The following OCA2 variants were observed in gnomAD, a reference collection of about 807,000 sequenced individuals.
OCA2 encodes the protein OCA2 melanosomal transmembrane protein.
Under a neutral mutation model 100.2 loss-of-function variants are expected in OCA2, and 77 were observed. The observed-to-expected ratio is 0.77, with a 90% confidence interval of 0.64 to 0.93. The LOEUF is 0.93. OCA2 is among the 40% of genes least tolerant of loss of function. The pLI, the probability that OCA2 is intolerant of heterozygous loss-of-function variation, is 0.00. For missense variants in OCA2, 1,062 were observed against 1,089.1 expected (o/e 0.98, Z 0.35); for synonymous variants, 432 against 439.2 (o/e 0.98, Z 0.21).
chr15:27,763,202 G>A (rs948804314), intron 23 of OCA2, among the ~76,000 whole-genome samples: 3 of 152,100 alleles, frequency 2.0e-5, no homozygotes, highest in Non-Finnish European at 4.4e-5. Context: ...AAAAATCTGA[G>A]GCCTACAGTT....
At chr15:28,049,447 A>G (rs1170967777) in intron 2 of OCA2, among the ~76,000 whole-genome samples, 1 of 152,332 alleles carries the variant, frequency 6.6e-6, no homozygotes, top group Non-Finnish European at 1.5e-5. Context: ...GTTACCACAT[A>G]ATCTAGCGAT....
At chr15:28,005,601 C>G (rs995565652) in intron 9 of OCA2, among the ~76,000 whole-genome samples, 1 of 152,158 alleles carries the variant, frequency 6.6e-6, no homozygotes, top group African/African-American at 2.4e-5. Context: ...ATCAAGCCCT[C>G]GCATCACACT....
intron 2 of OCA2, among the ~76,000 whole-genome samples, chr15:28,057,775 G>A (rs1427505337): frequency 6.6e-6 from 1 of 152,140 alleles, no homozygotes; most frequent in East Asian, 1.9e-4. Context: ...AGCCGCTGCT[G>A]CAGGGGAACA....
intron 18 of OCA2, among the ~76,000 whole-genome samples, chr15:27,935,869 C>T (rs1011741554): frequency 1.3e-5 from 2 of 152,204 alleles, no homozygotes; most frequent in Non-Finnish European, 2.9e-5. Context: ...GTGTAACTGA[C>T]TTTGACCAAA....
At chr15:27,832,397 C>G (rs1476937963) in intron 23 of OCA2, among the ~76,000 whole-genome samples, 2 of 152,254 alleles carry the variant, frequency 1.3e-5, no homozygotes, top group African/African-American at 4.8e-5. Context: ...AAGCCCTTCC[C>G]TGCACTCCCA....
rs1445624260 is a variant in OCA2 at position 27,957,747 on chromosome 15, G to A, written c.1637-12C>T. 6.2e-7 allele frequency: 1 copy of A among 1,612,960 alleles called. No homozygotes were observed. The highest frequency in any genetic ancestry group is 2.2e-5 in the East Asian group (1 of 44,870). ...CTCGTGCTTCAGTTCTGCAGAGAAA[G>A]GAAGGCGAAGCTTGGGTCTCCCATG... On this transcript the variant is annotated splice_polypyrimidine_tract_variant and intron_variant, in intron 15 of 23. Transcript: ENST00000354638. The surrounding 1 kb of genome is among the most constrained non-coding windows in gnomAD (Gnocchi z 4.3).
intron 14 of OCA2, among the ~76,000 whole-genome samples, chr15:27,972,860 T>TTTTTG (rs2040842860): frequency 1.4e-5 from 2 of 140,700 alleles, no homozygotes; most frequent in African/African-American, 5.3e-5. Flanking sequence ...TTTATTTTAT[T>TTTTTG]TTATTTTATT....
intron 19 of OCA2, among the ~76,000 whole-genome samples, chr15:27,894,943 G>T (rs1264559196): frequency 6.6e-6 from 1 of 152,182 alleles, no homozygotes; most frequent in Non-Finnish European, 1.5e-5. Context: ...CCTGGACCTT[G>T]CATATTTAAG....
At chr15:27,908,390 T>C (rs2038257822) in intron 19 of OCA2, among the ~76,000 whole-genome samples, 1 of 126,084 alleles carries the variant, frequency 7.9e-6, no homozygotes, top group Admixed American at 9.6e-5. Flanking sequence ...GTTAATGTGA[T>C]AAAAAATTAC....
At chr15:28,058,798 A>G (rs1219367597) in intron 2 of OCA2, among the ~76,000 whole-genome samples, 1 of 152,222 alleles carries the variant, frequency 6.6e-6, no homozygotes, top group Non-Finnish European at 1.5e-5. Context: ...AAGTGGGACT[A>G]GAAGAGGTAA....
chr15:27,859,522 A>C (rs1437172362), intron 21 of OCA2, among the ~76,000 whole-genome samples: 1 of 152,234 alleles, frequency 6.6e-6, no homozygotes, highest in African/African-American at 2.4e-5. Flanking sequence ...ACACTGAATC[A>C]GTAACCAAAA....
intron 18 of OCA2, among the ~76,000 whole-genome samples, chr15:27,927,309 T>TTCGC (rs1488584357): frequency 6.6e-6 from 1 of 152,092 alleles, no homozygotes; most frequent in Non-Finnish European, 1.5e-5. Context: ...AAAAAGATCC[T>TTCGC]TCGCTGTTGG....
intron 18 of OCA2, among the ~76,000 whole-genome samples, chr15:27,948,261 T>C (rs1021462676): frequency 1.3e-5 from 2 of 152,286 alleles, no homozygotes; most frequent in Non-Finnish European, 2.9e-5. Flanking sequence ...GGAACTCCCA[T>C]ACATGCTGTG....
intron 9 of OCA2, among the ~76,000 whole-genome samples, chr15:28,008,366 T>C (rs1425786774): frequency 6.6e-6 from 1 of 152,272 alleles, no homozygotes; most frequent in Non-Finnish European, 1.5e-5. Context: ...GGCATGCTTA[T>C]ACTAATCCAA....
chr15:27,913,967 T>C (rs540383827), intron 19 of OCA2, among the ~76,000 whole-genome samples: 2 of 150,948 alleles, frequency 1.3e-5, no homozygotes, highest in Non-Finnish European at 3.0e-5. Context: ...ATATCCCTGA[T>C]GAACATAGAT....
At chr15:27,849,505 A>C (rs2035667753) in intron 22 of OCA2, among the ~76,000 whole-genome samples, 1 of 150,916 alleles carries the variant, frequency 6.6e-6, no homozygotes, top group Admixed American at 6.6e-5. Flanking sequence ...CTCTTCATGA[A>C]AAGAGCAACC....
intron 18 of OCA2, among the ~76,000 whole-genome samples, chr15:27,943,365 C>T (rs1054477469): frequency 1.3e-5 from 2 of 151,882 alleles, no homozygotes; most frequent in African/African-American, 2.4e-5. Flanking sequence ...TATAACATCA[C>T]ATGACAGACA....
rs1411728476 is a variant in OCA2 at position 27,780,863 on chromosome 15, T to C, written c.2433-25391A>G. ...AATGATTTTAGCTACTTTAGATTTT[T>C]TAATGGAAAATAAAAATCCATGGTT... On this transcript the variant is annotated intron_variant, in intron 23 of 23. Transcript: ENST00000354638. Among the ~76,000 whole-genome samples, 3 of 152,226 alleles carry C rather than the reference T, an allele frequency of 2.0e-5. No homozygotes were observed. The East Asian group carries it at 5.8e-4, about 29-fold the overall frequency.
chr15:27,970,762 G>C (rs2040753915), intron 14 of OCA2, among the ~76,000 whole-genome samples: 1 of 152,078 alleles, frequency 6.6e-6, no homozygotes, highest in African/African-American at 2.4e-5. Flanking sequence ...AAAACATAAA[G>C]AACATCCCAG....
Sources: gnomAD v4.1 joint callset for allele counts (sites outside exome capture counted in the v4.1 genomes callset) on GRCh38, gnomAD v4.1.1 for gene constraint, Gnocchi (gnomAD v3.1) non-coding constraint, MANE v1.5 for transcripts, NCBI Gene and HGNC (gene_info 2026-07-23, HGNC 2026-07-21) for gene names.